Variants in SEMA6D observed in about 807,000 individuals in gnomAD.
SEMA6D encodes semaphorin-6D.
Under a neutral mutation model 106.6 loss-of-function variants are expected in SEMA6D, and 35 were observed. The observed-to-expected ratio is 0.33, with a 90% CI of 0.25 to 0.44. The LOEUF is 0.44. Ranked by LOEUF, SEMA6D falls within the 20% of genes least tolerant of loss-of-function variation. SEMA6D has a pLI of 1.00. For synonymous variants in SEMA6D, 499 were observed against 487.7 expected, an observed-to-expected ratio of 1.02 and a Z score of -0.31; for missense variants, 1,185 against 1,345.9, an observed-to-expected ratio of 0.88 and a Z score of 1.87.
chr15:47,674,051 T>C (rs1393202694), intron 4 of SEMA6D, among the ~76,000 whole-genome samples: 2 of 152,110 alleles, frequency 1.3e-5, no homozygotes, highest in African/African-American at 4.8e-5. Flanking sequence ...TTTCTATCTC[T>C]CTTCACACTG....
At chr15:47,598,455 T>C (rs2076579614) in intron 3 of SEMA6D, among the ~76,000 whole-genome samples, 2 of 152,290 alleles carry the variant, frequency 1.3e-5, no homozygotes, top group African/African-American at 4.8e-5. Context: ...TAGTTCTCTT[T>C]GTGGATATTT....
intron 3 of SEMA6D, among the ~76,000 whole-genome samples, chr15:47,481,616 C>T (rs1169384245): frequency 6.6e-6 from 1 of 152,038 alleles, no homozygotes; most frequent in East Asian, 1.9e-4. Flanking sequence ...ACTGACAGTC[C>T]CATCACCTCC....
chr15:47,327,952 A>T (rs1337231090), intron 1 of SEMA6D, among the ~76,000 whole-genome samples: 1 of 152,208 alleles, frequency 6.6e-6, no homozygotes, highest in Non-Finnish European at 1.5e-5. Context: ...TATGTTTGTT[A>T]TCATTATCTC....
intron 1 of SEMA6D, among the ~76,000 whole-genome samples, chr15:47,358,634 T>C (rs2038684245): frequency 6.6e-6 from 1 of 152,142 alleles, no homozygotes; most frequent in Non-Finnish European, 1.5e-5. Context: ...CTGAAATGCA[T>C]AGGCGACCAC....
intron 3 of SEMA6D, among the ~76,000 whole-genome samples, chr15:47,543,801 C>G (rs1404436784): frequency 6.6e-6 from 1 of 151,974 alleles, no homozygotes; most frequent in Non-Finnish European, 1.5e-5. Context: ...AGATGGTAAC[C>G]TGCTAAATTG....
At chr15:47,604,030 C>T (rs1343683156) in intron 4 of SEMA6D, 1 of 152,200 alleles carries the variant, frequency 6.6e-6, no homozygotes. Flanking sequence ...AGAAGTCAGG[C>T]TGCAGCATCA....
chr15:47,661,104 A>G (rs1380763771), intron 4 of SEMA6D, among the ~76,000 whole-genome samples: 1 of 152,214 alleles, frequency 6.6e-6, no homozygotes, highest in Admixed American at 6.5e-5. Context: ...TGTTTCTTGC[A>G]CATTTGTTTA....
At chr15:47,442,769 A>G (rs1372939839) in intron 2 of SEMA6D, among the ~76,000 whole-genome samples, 3 of 152,058 alleles carry the variant, frequency 2.0e-5, no homozygotes, top group Admixed American at 6.6e-5. Flanking sequence ...CCTCCTTTTC[A>G]GTGCACCATG....
At chr15:47,196,748 A>G (rs771334455) in intron 1 of SEMA6D, among the ~76,000 whole-genome samples, 20 of 152,224 alleles carry the variant, frequency 1.3e-4, no homozygotes, top group Non-Finnish European at 2.6e-4. Context: ...ATGATTGGAA[A>G]TTTCTAAAGT....
intron 1 of SEMA6D, among the ~76,000 whole-genome samples, chr15:47,344,461 T>C (rs2037959146): frequency 1.3e-5 from 2 of 152,150 alleles, no homozygotes; most frequent in South Asian, 4.1e-4. Flanking sequence ...AGGTAGGGCC[T>C]ATGGGTGCTC....
At chr15:47,185,319 C>G (rs1385291525) in intron 1 of SEMA6D, among the ~76,000 whole-genome samples, 1 of 152,172 alleles carries the variant, frequency 6.6e-6, no homozygotes, top group Non-Finnish European at 1.5e-5. Flanking sequence ...AGATCTGACT[C>G]TAATTCACAG....
At chr15:47,302,257 G>A (rs573690274) in intron 1 of SEMA6D, among the ~76,000 whole-genome samples, 1 of 152,082 alleles carries the variant, frequency 6.6e-6, no homozygotes, top group South Asian at 2.1e-4. Flanking sequence ...TGCCCTTTTA[G>A]GGTTATATTA....
chr15:47,763,186 T>C (rs1458090764), intron 9 of SEMA6D, 82 bp downstream of exon 9: 1 of 1,061,636 alleles, frequency 9.4e-7, no homozygotes, highest in Non-Finnish European at 1.4e-6. Flanking sequence ...GGATGCTCAC[T>C]TGGCATGTTT....
At chr15:47,656,027 C>A (rs1312421059) in intron 4 of SEMA6D, among the ~76,000 whole-genome samples, 2 of 152,206 alleles carry the variant, frequency 1.3e-5, no homozygotes, top group African/African-American at 4.8e-5. Context: ...CACCTTTTCA[C>A]ATTTTGCTGT....
intron 2 of SEMA6D, among the ~76,000 whole-genome samples, chr15:47,434,306 G>A (rs529444823): frequency 2.0e-5 from 3 of 152,120 alleles, no homozygotes; most frequent in South Asian, 2.1e-4. Context: ...GGAAAGAGGG[G>A]TTTAATCCTG....
At chr15:47,574,359 G>A (rs1309441906) in intron 3 of SEMA6D, among the ~76,000 whole-genome samples, 2 of 152,200 alleles carry the variant, frequency 1.3e-5, no homozygotes, top group African/African-American at 2.4e-5. Flanking sequence ...CAGCTGGCTG[G>A]TCTGATACAT....
At chr15:47,191,949 C>T (rs1209630624) in intron 1 of SEMA6D, among the ~76,000 whole-genome samples, 2 of 152,156 alleles carry the variant, frequency 1.3e-5, no homozygotes, top group African/African-American at 4.8e-5. Flanking sequence ...GTTATCATAG[C>T]ACTCTGGACC....
At chr15:47,672,816 T>C (rs1018040078) in intron 4 of SEMA6D, among the ~76,000 whole-genome samples, 8 of 152,332 alleles carry the variant, frequency 5.3e-5, no homozygotes, top group African/African-American at 1.9e-4. Flanking sequence ...TAATTCAGTG[T>C]AACATAATAT....
intron 3 of SEMA6D, among the ~76,000 whole-genome samples, chr15:47,559,453 T>G (rs1034187104): frequency 6.6e-6 from 1 of 152,114 alleles, no homozygotes; most frequent in Non-Finnish European, 1.5e-5. Flanking sequence ...CCCTCTCAGC[T>G]TTCTTAGCTC....
Sources: gnomAD v4.1 joint callset for allele counts (sites outside exome capture counted in the v4.1 genomes callset) on GRCh38, gnomAD v4.1.1 for gene constraint, MANE v1.5 for transcripts, NCBI Gene and HGNC (gene_info 2026-07-23, HGNC 2026-07-21) for gene names.